GABPB2: variants seen among roughly 807,000 people sequenced by gnomAD.
The protein encoded by GABPB2 is GA-binding protein subunit beta-2.
GABPB2 carries 23 observed loss-of-function variants against 39.1 expected under a neutral mutation model. That is an observed-to-expected ratio of 0.59 (90% CI 0.42 to 0.83). The LOEUF (loss-of-function observed/expected upper bound fraction) is 0.83, where lower values mean the gene tolerates loss of function less well. Ranked by LOEUF, GABPB2 falls within the 40% of genes least tolerant of loss-of-function variation. The pLI is 0.00. For missense variants in GABPB2, 467 were observed against 541.1 expected (o/e 0.86, Z 1.36); for synonymous variants, 184 against 199.3 (o/e 0.92, Z 0.65).
chr1:151,074,632 A>G (rs1225634468), intron 1 of GABPB2, among the ~76,000 whole-genome samples: 1 of 151,932 alleles, frequency 6.6e-6, no homozygotes, highest in Admixed American at 6.6e-5. Flanking sequence ...TCCTCTTTTT[A>G]GACCATATAG....
intron 1 of GABPB2, among the ~76,000 whole-genome samples, chr1:151,074,571 A>G (rs917064576): frequency 6.1e-4 from 92 of 149,690 alleles, no homozygotes; most frequent in African/African-American, 2.0e-3. Context: ...CGCCCTCCTC[A>G]GCCTCCCAAA....
At chr1:151,111,585 G>A (rs905420052) in intron 7 of GABPB2, among the ~76,000 whole-genome samples, 3 of 151,704 alleles carry the variant, frequency 2.0e-5, no homozygotes, top group African/African-American at 7.3e-5. Context: ...ACCACGCCCG[G>A]CTAATTTTTT....
chr1:151,090,260 TA>T, intron 2 of GABPB2, 145 bp from the exon 3 acceptor site: 1 of 764,260 alleles, frequency 1.3e-6, no homozygotes, highest in Non-Finnish European at 2.1e-6. Context: ...CTTTAATTTG[TA>T]AATTTAAGCA....
intron 4 of GABPB2, among the ~76,000 whole-genome samples, chr1:151,094,271 C>G (rs1455388962): frequency 6.6e-6 from 1 of 150,690 alleles, no homozygotes; most frequent in African/African-American, 2.4e-5. Context: ...AGGCTGGTCT[C>G]GAACTCCTAA....
Position 151,088,200 on chromosome 1 carries a change from T to C in GABPB2, c.11T>C (p.Val4Ala). 1 of 1,613,920 alleles carries C rather than the reference T, an allele frequency of 6.2e-7. No individual in the cohort carries two copies. The highest frequency in any genetic ancestry group is 8.5e-7 in the Non-Finnish European group (1 of 1,179,850). Residue 4 changes from valine to alanine, a missense_variant, in exon 2 of 9, where the codon GTG (valine) becomes GCG (alanine). Val to Ala is a moderately conservative substitution (Grantham distance 64, BLOSUM62 0). Transcript: ENST00000368918. Reference sequence around the variant, plus strand: ...TTCCTATGCATAAAGATGTCTTTGGTGGACTTGGGAAAGAGGTTGCTAGAA... The same window carrying C: ...TTCCTATGCATAAAGATGTCTTTGGCGGACTTGGGAAAGAGGTTGCTAGAA... MSL[V>A]DLGKRLLEAA...
chr1:151,107,802 G>A (rs1445065711), intron 7 of GABPB2, among the ~76,000 whole-genome samples: 2 of 152,060 alleles, frequency 1.3e-5, no homozygotes, highest in Non-Finnish European at 2.9e-5. Flanking sequence ...CAGGCATGGT[G>A]GCGCACGCCT....
chr1:151,080,284 G>A (rs1364664364), intron 1 of GABPB2, among the ~76,000 whole-genome samples: 1 of 148,546 alleles, frequency 6.7e-6, no homozygotes, highest in African/African-American at 2.5e-5. Context: ...GGCCAAGCTG[G>A]GCAAATCACC....
chr1:151,117,355 C>T (rs1680954339), intron 7 of GABPB2, 37 bp from the exon 8 acceptor site: 3 of 1,595,364 alleles, frequency 1.9e-6, no homozygotes, highest in Non-Finnish European at 2.6e-6. Flanking sequence ...TTTTATTATG[C>T]ATTCATCACC....
intron 2 of GABPB2, chr1:151,088,625 TAAAC>T (rs1295482952): frequency 3.1e-6 from 1 of 318,342 alleles, no homozygotes; most frequent in African/African-American, 2.2e-5. Flanking sequence ...AGCTAGAAAT[TAAAC>T]AAAATCAATA....
rs779537595 is a variant in GABPB2 at position 151,109,364 on chromosome 1, A to ATATATATTTT, written c.922+2143_922+2144insATATATTTTT. Among the ~76,000 whole-genome samples, 64 of 112,362 alleles carry ATATATATTTT rather than the reference A, an allele frequency of 5.7e-4. No homozygotes were observed. In the East Asian group the frequency reaches 7.3e-3, roughly 13 times the overall value. The allele number at this position is 112,362 out of a possible 152,430, so 73.7% of individuals were successfully genotyped here. A position where few individuals can be genotyped will look rare whatever the true frequency, so the allele number is the denominator to read the frequency against. ...CACAAATATATATATATATATATAT[A>ATATATATTTT]TTTTTTTTTTTGAGTCAGAATCTTG... On this transcript the variant is annotated intron_variant, in intron 7 of 8. Transcript: ENST00000368918.
At chr1:151,091,246 C>G (rs1678669699) in intron 3 of GABPB2, among the ~76,000 whole-genome samples, 1 of 150,680 alleles carries the variant, frequency 6.6e-6, no homozygotes, top group Admixed American at 6.6e-5. Context: ...CGCCACTACA[C>G]CCAGCCAATT....
intron 5 of GABPB2, among the ~76,000 whole-genome samples, chr1:151,099,347 G>A (rs1434664920): frequency 6.6e-6 from 1 of 151,734 alleles, no homozygotes; most frequent in Non-Finnish European, 1.5e-5. Context: ...ACAGGCATGT[G>A]CCACCACGCC....
In GABPB2 at chr1:151,116,691, T is replaced by C. The variant is rs1680903961; in HGVS notation, c.923-701T>C. Reference sequence around the variant, plus strand: ...CGCGAGTTCTTGGCTCACTACGGCCTCAACTTCCCAGGCTCAGGTGATCCT... The same window carrying C: ...CGCGAGTTCTTGGCTCACTACGGCCCCAACTTCCCAGGCTCAGGTGATCCT... On this transcript the variant is annotated intron_variant, in intron 7 of 8. Coordinates refer to ENST00000368918, the MANE Select transcript of GABPB2 (RefSeq NM_144618.3). Among the ~76,000 whole-genome samples the C allele has an allele frequency of 2.6e-5, 4 of 152,230 alleles. No individual in the cohort carries two copies. The South Asian group carries it at 8.3e-4, about 32-fold the overall frequency.
intron 5 of GABPB2, among the ~76,000 whole-genome samples, chr1:151,102,720 G>C (rs1439994634): frequency 6.6e-6 from 1 of 152,154 alleles, no homozygotes; most frequent in East Asian, 1.9e-4. Context: ...AGGATTACAG[G>C]CATGAGCCAC....
rs921699013 is a variant in GABPB2, at chr1:151,121,427, GTTTTCT to G, written c.*3188_*3193del. ...CTTTTGGAAAGTGTTTAACTGCTGG[GTTTTCT>G]TTTTCTTTTTCTTTTTTTTTTTGAG... is the stretch of plus-strand genomic sequence containing the variant. On this transcript the variant is annotated 3_prime_UTR_variant, in exon 9 of 9. Coordinates refer to ENST00000368918, the MANE Select transcript of GABPB2 (RefSeq NM_144618.3). 2.0e-5 allele frequency: 3 copies of G among 152,874 alleles called. No homozygotes were observed. The highest frequency in any genetic ancestry group is 2.4e-5 in the African/African-American group (1 of 41,340). The allele number at this position is 152,874 out of a possible 1,614,324, so 9.5% of individuals were successfully genotyped here.
intron 1 of GABPB2, among the ~76,000 whole-genome samples, chr1:151,077,829 C>T (rs1159542674): frequency 6.6e-6 from 1 of 151,016 alleles, no homozygotes; most frequent in African/African-American, 2.4e-5. Context: ...CACGTGCCAC[C>T]TAATCCTAGC....
intron 3 of GABPB2, among the ~76,000 whole-genome samples, chr1:151,091,643 T>A (rs1410845372): frequency 1.3e-5 from 2 of 150,328 alleles, no homozygotes; most frequent in African/African-American, 4.9e-5. Context: ...CTCAGCTAAT[T>A]TTTTTTTGTA....
At chr1:151,082,163 A>G (rs1194188322) in intron 1 of GABPB2, among the ~76,000 whole-genome samples, 3 of 138,224 alleles carry the variant, frequency 2.2e-5, no homozygotes, top group African/African-American at 8.3e-5. Context: ...CACAACCTCT[A>G]CCTCCCGGGT....
intron 1 of GABPB2, among the ~76,000 whole-genome samples, chr1:151,079,244 T>A (rs587731795): frequency 6.6e-6 from 1 of 151,984 alleles, no homozygotes; most frequent in Non-Finnish European, 1.5e-5. Context: ...GAAAGATGAT[T>A]AAAGAAGAGT....
Sources: allele counts gnomAD v4.1 joint callset (sites outside exome capture counted in the v4.1 genomes callset), GRCh38; gene constraint gnomAD v4.1.1; transcripts MANE v1.5; gene names NCBI Gene and HGNC (gene_info 2026-07-23, HGNC 2026-07-21).